CTNNA2: variants seen among roughly 807,000 people sequenced by gnomAD.
The protein encoded by CTNNA2 is catenin alpha 2.
In CTNNA2, 42 loss-of-function variants were observed where a neutral mutation model predicts 101.0. The observed-to-expected ratio is 0.42, with a 90% CI of 0.32 to 0.54. The LOEUF is 0.54. CTNNA2 is among the 20% of genes least tolerant of loss of function. The pLI is 0.14. For missense variants in CTNNA2, 871 were observed against 1,223.1 expected, an observed-to-expected ratio of 0.71 and a Z score of 4.29; for synonymous variants, 450 against 456.4, an observed-to-expected ratio of 0.99 and a Z score of 0.18.
chr2:80,209,484 C>T (rs572619912), intron 7 of CTNNA2, among the ~76,000 whole-genome samples: 29 of 152,174 alleles, frequency 1.9e-4, no homozygotes, highest in Admixed American at 5.9e-4. Context: ...AGCTACTGTA[C>T]GCTGCCCAGA....
chr2:79,221,464 A>G (rs1459601275), intron 2 of CTNNA2, among the ~76,000 whole-genome samples: 1 of 152,186 alleles, frequency 6.6e-6, no homozygotes, highest in Non-Finnish European at 1.5e-5. Context: ...ATAAATTTCT[A>G]ACTGTAGGAA....
rs150933557 is a variant in CTNNA2, at chr2:79,961,538, C to T, written c.1056+51741C>T. ...TAGGCGAGGTCTACCTTAAAGCTGG[C>T]CCGGCCTGGCGTGGTGGCTCACGCC... On this transcript the variant is annotated intron_variant, in intron 7 of 18. Coordinates refer to ENST00000402739, the MANE Select transcript of CTNNA2 (RefSeq NM_001282597.3). Among the ~76,000 whole-genome samples, 447 of 152,260 alleles carry T rather than the reference C, an allele frequency of 2.9e-3. 4 individuals are homozygous for T. The highest frequency in any genetic ancestry group is 0.01 in the African/African-American group (427 of 41,560).
At chr2:80,405,393 T>C (rs1234129484) in intron 8 of CTNNA2, among the ~76,000 whole-genome samples, 2 of 152,200 alleles carry the variant, frequency 1.3e-5, no homozygotes, top group East Asian at 3.9e-4. Flanking sequence ...TTTTAATGAC[T>C]GTGGTTGTTA....
intron 2 of CTNNA2, among the ~76,000 whole-genome samples, chr2:79,671,699 G>T (rs938789089): frequency 4.6e-5 from 7 of 152,208 alleles, no homozygotes; most frequent in Admixed American, 1.3e-4. Flanking sequence ...TTTTGCTGCT[G>T]TTAGGTGAAG....
intron 2 of CTNNA2, among the ~76,000 whole-genome samples, chr2:79,669,374 A>AAGG (rs1178944466): frequency 3.3e-5 from 5 of 152,194 alleles, no homozygotes; most frequent in African/African-American, 7.2e-5. Flanking sequence ...CAGGTCTCTT[A>AAGG]AAGTTACGAG....
At chr2:79,722,790 G>C (rs189274207) in intron 2 of CTNNA2, among the ~76,000 whole-genome samples, 8 of 152,110 alleles carry the variant, frequency 5.3e-5, no homozygotes, top group Non-Finnish European at 1.0e-4. Flanking sequence ...AGGCAAAGTA[G>C]GTGATCAATA....
At chr2:79,969,973 A>G (rs1690364101) in intron 7 of CTNNA2, among the ~76,000 whole-genome samples, 1 of 152,186 alleles carries the variant, frequency 6.6e-6, no homozygotes, top group African/African-American at 2.4e-5. Flanking sequence ...AGATGGCACG[A>G]TTTGAAAGTG....
At chr2:80,319,364 C>T (rs551614856) in intron 7 of CTNNA2, among the ~76,000 whole-genome samples, 12 of 152,176 alleles carry the variant, frequency 7.9e-5, no homozygotes, top group Non-Finnish European at 1.0e-4. Flanking sequence ...TTCAACAAAA[C>T]GAGACTGGCA....
intron 6 of CTNNA2, among the ~76,000 whole-genome samples, chr2:79,874,957 C>T (rs1464121041): frequency 1.3e-5 from 2 of 152,160 alleles, no homozygotes; most frequent in African/African-American, 4.8e-5. Flanking sequence ...CCTAGATGTA[C>T]GTTGCCTCTA....
intron 7 of CTNNA2, among the ~76,000 whole-genome samples, chr2:80,004,007 A>G (rs1163698525): frequency 3.3e-5 from 5 of 152,166 alleles, no homozygotes; most frequent in African/African-American, 9.7e-5. Context: ...AGAAATTTCT[A>G]TAGTGTAAAC....
At chr2:80,444,502 C>A (rs1383480602) in intron 9 of CTNNA2, among the ~76,000 whole-genome samples, 3 of 152,080 alleles carry the variant, frequency 2.0e-5, no homozygotes, top group African/African-American at 2.4e-5. Context: ...GCCAGATAAC[C>A]CTTTCTCCTG....
rs535422385 is a variant in CTNNA2, at chr2:79,259,291, C to A, written c.-405-53418C>A. Among the ~76,000 whole-genome samples, 7 of 152,268 alleles carry A rather than the reference C, an allele frequency of 4.6e-5. No homozygotes were observed. The South Asian group carries it at 6.2e-4, about 14-fold the overall frequency. ...ATCAGCCTACTTTACTTCTCCACCC[C>A]CTCCTAACACACACCTACTTCCTCA... is the stretch of plus-strand genomic sequence containing the variant. On this transcript the variant is annotated intron_variant, in intron 2 of 21. Coordinates refer to the CTNNA2 transcript ENST00000466387.
At chr2:79,254,350 G>A (rs61704509) in intron 2 of CTNNA2, among the ~76,000 whole-genome samples, 23,051 of 152,118 alleles carry the variant, frequency 0.15, 1,888 homozygotes, top group African/African-American at 0.2. Flanking sequence ...GGAAGAGATT[G>A]GGCCATGGGT....
At chr2:79,692,213 A>G (rs1355712878) in intron 2 of CTNNA2, among the ~76,000 whole-genome samples, 1 of 152,176 alleles carries the variant, frequency 6.6e-6, no homozygotes, top group East Asian at 1.9e-4. Context: ...GGTGAAGGAT[A>G]TGAACAGATC....
chr2:80,153,285 A>G (rs897974236), intron 7 of CTNNA2, among the ~76,000 whole-genome samples: 1 of 152,172 alleles, frequency 6.6e-6, no homozygotes, highest in Non-Finnish European at 1.5e-5. Context: ...GGAGCAGCCT[A>G]TGGTCTTGCC....
intron 3 of CTNNA2, among the ~76,000 whole-genome samples, chr2:79,326,551 T>C (rs575378895): frequency 5.3e-4 from 81 of 152,294 alleles, no homozygotes; most frequent in Non-Finnish European, 1.6e-4. Flanking sequence ...TACTTGTCTT[T>C]CTTGGGCCAT....
chr2:79,387,195 A>G (rs1377570832), intron 4 of CTNNA2, among the ~76,000 whole-genome samples: 1 of 152,216 alleles, frequency 6.6e-6, no homozygotes, highest in Non-Finnish European at 1.5e-5. Flanking sequence ...GTCCTATATG[A>G]TAAGTCCAGC....
At chr2:80,503,318 T>G (rs1660296925) in intron 9 of CTNNA2, among the ~76,000 whole-genome samples, 1 of 152,220 alleles carries the variant, frequency 6.6e-6, no homozygotes, top group African/African-American at 2.4e-5. Context: ...CAGAGAAGAA[T>G]GGACTGAAGC....
intron 9 of CTNNA2, among the ~76,000 whole-genome samples, chr2:80,426,040 G>A (rs1488976948): frequency 6.6e-6 from 1 of 152,122 alleles, no homozygotes; most frequent in Non-Finnish European, 1.5e-5. Flanking sequence ...CAACTATGAT[G>A]TAAAGTCACT....
Sources: gnomAD v4.1 joint callset for allele counts (sites outside exome capture counted in the v4.1 genomes callset) on GRCh38, gnomAD v4.1.1 for gene constraint, MANE v1.5 for transcripts, NCBI Gene and HGNC (gene_info 2026-07-23, HGNC 2026-07-21) for gene names.